The following TSNARE1 variants were observed in gnomAD, a reference collection of about 807,000 sequenced individuals.
TSNARE1 encodes the protein t-SNARE domain-containing protein 1.
In TSNARE1, 49 loss-of-function variants were observed where a neutral mutation model predicts 62.0. The ratio of observed to expected loss-of-function variants is 0.79; its 90% confidence interval spans 0.63 to 1.00. The LOEUF (loss-of-function observed/expected upper bound fraction) is 1.00, where lower values mean the gene tolerates loss of function less well. TSNARE1 is among the 50% of genes least tolerant of loss of function. The probability of loss-of-function intolerance (pLI) is 0.00; values close to 1 mark genes in which losing one functional copy is unlikely to be tolerated. For synonymous variants in TSNARE1, 328 were observed against 294.4 expected (o/e 1.11, Z -1.17); for missense variants, 755 against 700.1 (o/e 1.08, Z -0.88).
intron 9 of TSNARE1, among the ~76,000 whole-genome samples, chr8:142,305,501 G>A (rs912723771): frequency 7.2e-5 from 11 of 152,164 alleles, no homozygotes; most frequent in African/African-American, 2.4e-4. Flanking sequence ...GTGCGGGCCA[G>A]AGGAGACCCC....
intron 12 of TSNARE1, among the ~76,000 whole-genome samples, chr8:142,261,469 T>G (rs1191242912): frequency 6.6e-6 from 1 of 151,778 alleles, no homozygotes; most frequent in Admixed American, 6.6e-5. Flanking sequence ...GGTGAACACC[T>G]GCTGGGAACT....
At chr8:142,267,654 T>A (rs953659092) in intron 12 of TSNARE1, among the ~76,000 whole-genome samples, 1 of 151,868 alleles carries the variant, frequency 6.6e-6, no homozygotes, top group Non-Finnish European at 1.5e-5. Context: ...ACAGGAACCA[T>A]CCCTGCCACT....
At chr8:142,382,304 A>G (rs1372573036) in intron 1 of TSNARE1, among the ~76,000 whole-genome samples, 1 of 152,184 alleles carries the variant, frequency 6.6e-6, no homozygotes, top group Non-Finnish European at 1.5e-5. Flanking sequence ...GCCCAGAATC[A>G]GCGGTGGAGA....
chr8:142,362,607 C>T (rs967043842), intron 1 of TSNARE1, among the ~76,000 whole-genome samples: 8 of 152,154 alleles, frequency 5.3e-5, no homozygotes, highest in African/African-American at 1.4e-4. Flanking sequence ...TGGGGGCCAG[C>T]GCTTCCTCTC....
chr8:142,279,771 G>A, intron 11 of TSNARE1: 2 of 641,438 alleles, frequency 3.1e-6, no homozygotes, highest in Non-Finnish European at 3.9e-6. Context: ...CTTGGGAGCT[G>A]GTGCAGAAGG....
At chr8:142,367,333 T>G (rs1489303402) in intron 1 of TSNARE1, among the ~76,000 whole-genome samples, 7 of 152,248 alleles carry the variant, frequency 4.6e-5, no homozygotes, top group Admixed American at 1.3e-4. Flanking sequence ...GGGCTCGCAC[T>G]TGCAGACTTT....
chr8:142,378,621 C>T (rs993016100), intron 1 of TSNARE1, among the ~76,000 whole-genome samples: 2 of 152,180 alleles, frequency 1.3e-5, no homozygotes, highest in Non-Finnish European at 2.9e-5. Flanking sequence ...AAGCCAGTCC[C>T]AAAGCACCAC....
intron 1 of TSNARE1, among the ~76,000 whole-genome samples, chr8:142,381,973 G>A (rs1227744789): frequency 6.6e-6 from 1 of 152,034 alleles, no homozygotes; most frequent in Admixed American, 6.5e-5. Context: ...TGAGCAGGCC[G>A]CCACCTCCTC....
intron 4 of TSNARE1, among the ~76,000 whole-genome samples, chr8:142,339,446 G>C (rs990784102): frequency 2.5e-4 from 38 of 152,206 alleles, no homozygotes; most frequent in African/African-American, 8.9e-4. Flanking sequence ...GCCAGGGCGG[G>C]CAGGCAGGGG....
intron 1 of TSNARE1, among the ~76,000 whole-genome samples, chr8:142,382,222 G>A (rs762742544): frequency 6.6e-6 from 1 of 152,148 alleles, no homozygotes; most frequent in Non-Finnish European, 1.5e-5. Context: ...ATGAATCAGT[G>A]TTGTTATAGC....
At chr8:142,226,126 G>A (rs905365031) in intron 13 of TSNARE1, among the ~76,000 whole-genome samples, 1 of 152,156 alleles carries the variant, frequency 6.6e-6, no homozygotes, top group Non-Finnish European at 1.5e-5. Flanking sequence ...CCCAAATAAG[G>A]CCATGTTCAC....
chr8:142,261,481 A>T (rs1284447820), intron 12 of TSNARE1, among the ~76,000 whole-genome samples: 4 of 151,904 alleles, frequency 2.6e-5, no homozygotes, highest in African/African-American at 9.7e-5. Context: ...CTGGGAACTC[A>T]GCACATGCTG....
intron 10 of TSNARE1, among the ~76,000 whole-genome samples, chr8:142,298,036 A>G (rs1825060912): frequency 6.6e-6 from 1 of 152,096 alleles, no homozygotes; most frequent in East Asian, 1.9e-4. Context: ...CACCACTCCC[A>G]GCCCCCCTGC....
At chr8:142,315,989 G>C (rs1403696857) in intron 7 of TSNARE1, among the ~76,000 whole-genome samples, 3 of 152,216 alleles carry the variant, frequency 2.0e-5, no homozygotes, top group Non-Finnish European at 4.4e-5. Context: ...GCTTCACGAG[G>C]AAACTGCCTG....
chr8:142,381,800 G>C (rs954185525), intron 1 of TSNARE1, among the ~76,000 whole-genome samples: 1 of 152,198 alleles, frequency 6.6e-6, no homozygotes, highest in Non-Finnish European at 1.5e-5. Flanking sequence ...CGGCGTCCTG[G>C]GCCAGCCCCT....
At chr8:142,217,984 CAGAGTATGAG>C (rs1815991713) in intron 13 of TSNARE1, among the ~76,000 whole-genome samples, 1 of 111,642 alleles carries the variant, frequency 9.0e-6, no homozygotes. Flanking sequence ...GATCAGGGCT[CAGAGTATGAG>C]CAGGATCAGG....
At chr8:142,403,790 AGGGAGCCCC>A (rs1838480886), upstream of TSNARE1, 1 of 152,202 alleles carries the variant, frequency 6.6e-6, no homozygotes, top group African/African-American at 2.4e-5. Context: ...AGTGCAGAGT[AGGGAGCCCC>A]TTGCGGAGAC....
chr8:142,253,471 GCGGT>G (rs1295460400), intron 12 of TSNARE1, among the ~76,000 whole-genome samples: 4 of 150,000 alleles, frequency 2.7e-5, no homozygotes, highest in Admixed American at 6.6e-5. Flanking sequence ...TGCAGGTAGG[GCGGT>G]CACCCCCCAG....
chr8:142,322,669 T>A (rs1236896084), intron 6 of TSNARE1, among the ~76,000 whole-genome samples: 1 of 152,166 alleles, frequency 6.6e-6, no homozygotes, highest in East Asian at 1.9e-4. Flanking sequence ...CCAGCCTGTG[T>A]CCGTGGGCTG....
Sources: gnomAD v4.1 joint callset for allele counts (sites outside exome capture counted in the v4.1 genomes callset) on GRCh38, gnomAD v4.1.1 for gene constraint, MANE v1.5 for transcripts, NCBI Gene and HGNC (gene_info 2026-07-23, HGNC 2026-07-21) for gene names.